The following NTHL1 variants were observed in gnomAD, a reference collection of about 807,000 sequenced individuals.
NTHL1 encodes nth like DNA glycosylase 1.
Under a neutral mutation model 32.3 loss-of-function variants are expected in NTHL1, and 32 were observed. The observed-to-expected ratio is 0.99, with a 90% CI of 0.75 to 1.33. NTHL1 has a LOEUF of 1.33. NTHL1 is among the 40% of genes most tolerant of loss of function. The pLI, the probability that NTHL1 is intolerant of heterozygous loss-of-function variation, is 0.00. For synonymous variants in NTHL1, 188 were observed against 176.9 expected (o/e 1.06, Z -0.50); for missense variants, 501 against 414.1 (o/e 1.21, Z -1.82).
At position 2,046,375 on chromosome 16, in the gene NTHL1, A is replaced by AG. The variant is rs1161474192; in HGVS notation, c.116-10dup. 1.9e-6 allele frequency: 3 copies of AG among 1,602,400 alleles called. No homozygotes were observed. The South Asian group carries it at 3.3e-5, about 18-fold the overall frequency. On this transcript the variant is annotated splice_polypyrimidine_tract_variant and intron_variant, in intron 1 of 5. Coordinates refer to ENST00000651570, the MANE Select transcript of NTHL1 (RefSeq NM_002528.7). ...GTGGCTTTTCCTCGCTTCTGCAAAAAGCACCACGCAGTCCCTCTGGTGGGG... is the reference window on the plus strand; with the variant it reads ...GTGGCTTTTCCTCGCTTCTGCAAAAAGGCACCACGCAGTCCCTCTGGTGGGG...
In NTHL1 at chr16:2,040,113, A is replaced by G; in HGVS notation, c.791+20T>C. ...GCGGGGTGAGCTCTTCTCCCTAGGA[A>G]GCCCCCCACATACTCATACCTAGGC... On this transcript the variant is annotated intron_variant, in intron 5 of 5. Coordinates refer to ENST00000651570, the MANE Select transcript of NTHL1 (RefSeq NM_002528.7). 6.2e-7 allele frequency: 1 copy of G among 1,613,068 alleles called. No homozygotes were observed. The highest frequency in any genetic ancestry group is 1.3e-5 in the African/African-American group (1 of 75,006).
At chr16:2,040,454 C>T (rs2084249797) in intron 4 of NTHL1, 3 of 620,334 alleles carry the variant, frequency 4.8e-6, no homozygotes, top group African/African-American at 1.8e-5. Flanking sequence ...AGGCCTCTCT[C>T]CCATCACCTG....
rs1271178921 is a variant in NTHL1, at chr16:2,044,785, C to T, written c.370G>A (p.Val124Met). The change falls in exon 3 of 6, where the codon GTG (valine) becomes ATG (methionine). Residue 124 changes from valine to methionine, a missense_variant. Transcript: ENST00000651570. The surrounding 1 kb of genome is among the most constrained non-coding windows in gnomAD (Gnocchi z 5.0). ...SAPPKVRRYQVLLSLMLSSQT... is the reference protein window; with the variant it reads ...SAPPKVRRYQMLLSLMLSSQT... ...CTGGAGAGCATCAGTGACAGCAGCA[C>T]CTGGTACCTGCGTACCTGCTTGTGC... is the stretch of plus-strand genomic sequence containing the variant. The T allele has an allele frequency of 6.2e-7, 1 of 1,608,410 alleles. No homozygotes were observed. The highest frequency in any genetic ancestry group is 1.7e-5 in the Admixed American group (1 of 59,434).
rs766136810 is a variant in NTHL1, at chr16:2,044,667, G to A, written c.488C>T (p.Thr163Met). Residue 163 changes from threonine to methionine, a missense_variant, in exon 3 of 6, where the codon ACG (threonine) becomes ATG (methionine). Physicochemically the swap from Thr to Met is moderately conservative, Grantham distance 81. Transcript: ENST00000651570. The surrounding 1 kb of genome is among the most constrained non-coding windows in gnomAD (Gnocchi z 5.0). ...GACGGGGTAGATGAGCTTGCCCAGCGTGGCATCATCTGTCTGCAGGATGCT... is the reference window on the plus strand; with the variant it reads ...GACGGGGTAGATGAGCTTGCCCAGCATGGCATCATCTGTCTGCAGGATGCT... Reference protein sequence around the residue: ...VDSILQTDDATLGKLIYPVGF... With the variant: ...VDSILQTDDAMLGKLIYPVGF... The A allele has an allele frequency of 8.7e-6, 14 of 1,610,088 alleles. No individual in the cohort carries two copies. The highest frequency in any genetic ancestry group is 6.7e-5 in the African/African-American group (5 of 74,946).
chr16:2,043,373 C>T lies in NTHL1; in HGVS notation c.685+194G>A, dbSNP rs1046057453. The T allele has an allele frequency of 4.8e-5, 33 of 690,150 alleles. No homozygotes were observed. Among genetic ancestry groups the T allele is most frequent in the Non-Finnish European group, 1.7e-5 (7 of 410,254 alleles). 42.8% of individuals were successfully genotyped at this position (690,150 alleles called of 1,614,324 possible). On this transcript the variant is annotated intron_variant, in intron 4 of 5. Coordinates refer to ENST00000651570, the MANE Select transcript of NTHL1 (RefSeq NM_002528.7). The surrounding 1 kb of genome is among the most constrained non-coding windows in gnomAD (Gnocchi z 4.4). Reference sequence around the variant, plus strand: ...CAGAGCCCTGCACGGAGCAGGTGCTCAGCCCATGTGACCTCCTGCCCCAGC... The same window carrying T: ...CAGAGCCCTGCACGGAGCAGGTGCTTAGCCCATGTGACCTCCTGCCCCAGC...
At chr16:2,047,647 G>A in intron 1 of NTHL1, 62 bp downstream of exon 1, 1 of 1,522,218 alleles carries the variant, frequency 6.6e-7, no homozygotes. Flanking sequence ...AGGCGGCCCG[G>A]GACTCCAGCC....
At chr16:2,046,719 C>G (rs1209275978) in intron 1 of NTHL1, among the ~76,000 whole-genome samples, 1 of 152,162 alleles carries the variant, frequency 6.6e-6, no homozygotes. Flanking sequence ...AGCCTGTAAT[C>G]CCAGCACTTT....
At chr16:2,042,827 C>T (rs1482067070) in intron 4 of NTHL1, among the ~76,000 whole-genome samples, 1 of 122,642 alleles carries the variant, frequency 8.2e-6, no homozygotes, top group Non-Finnish European at 1.8e-5. Context: ...CCTCTTCTCC[C>T]CGCAGCACCT....
At chr16:2,046,399 G>C in intron 1 of NTHL1, 33 bp from the exon 2 acceptor site, 8 of 1,583,648 alleles carry the variant, frequency 5.1e-6, no homozygotes, top group Non-Finnish European at 6.9e-6. Context: ...CCTCTGGTGG[G>C]GCCACAGGTG....
rs756963327 is a variant in NTHL1 at position 2,043,615 on chromosome 16, T to C, written c.637A>G (p.Met213Val). The C allele has an allele frequency of 8.7e-6, 14 of 1,610,452 alleles. No homozygotes were observed. The highest frequency in any genetic ancestry group is 1.1e-5 in the Non-Finnish European group (13 of 1,179,952). Reference sequence around the variant, plus strand: ...GCCACAGCCATAGCCAGGTGTGCCATCTTGGGCCCAACACCCGGCAGCGCC... The same window carrying C: ...GCCACAGCCATAGCCAGGTGTGCCACCTTGGGCCCAACACCCGGCAGCGCC... The part of the protein sequence containing the change: ...LVALPGVGPK[M>V]AHLAMAVAWG... The change falls in exon 4 of 6, where the codon ATG (methionine) becomes GTG (valine). Residue 213 changes from methionine (M) to valine (V), a missense_variant. Coordinates refer to ENST00000651570, the MANE Select transcript of NTHL1 (RefSeq NM_002528.7). The surrounding 1 kb of genome is among the most constrained non-coding windows in gnomAD (Gnocchi z 4.4).
In NTHL1 at chr16:2,046,131, T is replaced by C; in HGVS notation, c.351A>G (p.Pro117=). The C allele has an allele frequency of 6.2e-7, 1 of 1,611,678 alleles. No homozygotes were observed. The highest frequency in any genetic ancestry group is 8.5e-7 in the Non-Finnish European group (1 of 1,178,896). ...GGCAGATGGGGCCCCTGCCTACCTT[T>C]GGGGGGGCACTGGAGTCATAGCAGT... ...TEHCYDSSAP[P]KVRRYQVLLS... is the part of the protein sequence containing the mutation. Residue 117 remains proline (P), a synonymous_variant, in exon 2 of 6, where the codon CCA becomes CCG. Coordinates refer to ENST00000651570, the MANE Select transcript of NTHL1 (RefSeq NM_002528.7).
Position 2,044,642 on chromosome 16 carries a change from G to A in NTHL1, c.513C>T (p.Val171=), listed in dbSNP as rs140211154. 33 of 1,605,562 alleles carry A rather than the reference G, an allele frequency of 2.1e-5. No individual in the cohort carries two copies. The highest frequency in any genetic ancestry group is 1.3e-4 in the South Asian group (12 of 91,068). Residue 171 remains valine (V), a synonymous_variant, in exon 3 of 6, where the codon GTC becomes GTT. Coordinates refer to ENST00000651570, the MANE Select transcript of NTHL1 (RefSeq NM_002528.7). This position sits in a 1 kb window ranked among gnomAD's most constrained non-coding sequence, Gnocchi z 5.0. ...DATLGKLIYP[V]GFWRSKVKYI... is the part of the protein sequence containing the mutation. ...AGGCAGGGCTCACCCTCCAGAAACC[G>A]ACGGGGTAGATGAGCTTGCCCAGCG...
At chr16:2,041,228 C>T (rs1393895643) in intron 4 of NTHL1, among the ~76,000 whole-genome samples, 1 of 152,254 alleles carries the variant, frequency 6.6e-6, no homozygotes, top group African/African-American at 2.4e-5. Flanking sequence ...CTCTGAGCCT[C>T]AGTTTCCTCC....
chr16:2,044,872 G>C lies in NTHL1; in HGVS notation c.355-72C>G. On this transcript the variant is annotated intron_variant, in intron 2 of 5. Transcript: ENST00000651570. The surrounding 1 kb of genome is among the most constrained non-coding windows in gnomAD (Gnocchi z 5.0). ...ATTCCCTGGCCAGGCTCCGCCCCCCGCCCTCGACACACCCTGGTTTGTTGC... is the reference window on the plus strand; with the variant it reads ...ATTCCCTGGCCAGGCTCCGCCCCCCCCCCTCGACACACCCTGGTTTGTTGC... 6.8e-7 allele frequency: 1 copy of C among 1,471,958 alleles called. No homozygotes were observed. Among genetic ancestry groups the C allele is most frequent in the Non-Finnish European group, 9.1e-7 (1 of 1,097,992 alleles). The allele number at this position is 1,471,958 out of a possible 1,614,324, so 91.2% of individuals were successfully genotyped here. A position where few individuals can be genotyped will look rare whatever the true frequency, so the allele number is the denominator to read the frequency against.
Position 2,044,597 on chromosome 16 carries a change from C to T in NTHL1, c.525+33G>A, listed in dbSNP as rs1389654447. 1.4e-5 allele frequency: 22 copies of T among 1,598,226 alleles called. No homozygotes were observed. Among genetic ancestry groups the T allele is most frequent in the Non-Finnish European group, 1.9e-5 (22 of 1,179,800 alleles). ...TCTGAGGTCTCTCTCAGGCCACTGC[C>T]ACCCGGCCCCCGTTGCCACAGGCAG... On this transcript the variant is annotated intron_variant, in intron 3 of 5. Transcript: ENST00000651570. The surrounding 1 kb of genome is among the most constrained non-coding windows in gnomAD (Gnocchi z 5.0).
At chr16:2,040,298 TC>T in intron 4 of NTHL1, 60 bp from the exon 5 acceptor site, 1 of 1,511,910 alleles carries the variant, frequency 6.6e-7, no homozygotes, top group Non-Finnish European at 9.1e-7. Flanking sequence ...CCCGTGCCCC[TC>T]CCCGCCCAGA....
In NTHL1 at chr16:2,047,799, G is replaced by T. The variant is rs1596228271; in HGVS notation, c.25C>A (p.Leu9Met). 1 of 1,591,730 alleles carries T rather than the reference G, an allele frequency of 6.3e-7. No individual in the cohort carries two copies. The highest frequency in any genetic ancestry group is 8.5e-7 in the Non-Finnish European group (1 of 1,174,250). ...GGTCCCAGGCTCCGGCTCCGGGTCA[G>T]CATCCTCGCGCTCAAGGCGGTCATG... MTALSARMLTRSRSLGPGA... is the reference protein window; with the variant it reads MTALSARMMTRSRSLGPGA... Residue 9 changes from leucine to methionine, a missense_variant, in exon 1 of 6, where the codon CTG becomes ATG. Physicochemically the swap from Leu to Met is conservative, Grantham distance 15. Transcript: ENST00000651570.
chr16:2,046,069 A>G, intron 2 of NTHL1, 59 bp downstream of exon 2: 1 of 1,468,142 alleles, frequency 6.8e-7, no homozygotes, highest in Non-Finnish European at 9.5e-7. Context: ...CCGGGTAGAA[A>G]GAAAACAAGG....
At chr16:2,045,037 G>C (rs1418875721) in intron 2 of NTHL1, among the ~76,000 whole-genome samples, 1 of 152,184 alleles carries the variant, frequency 6.6e-6, no homozygotes, top group African/African-American at 2.4e-5. Context: ...AATTATCTCA[G>C]TGCTTAGAAT....
Sources: gnomAD v4.1 joint callset for allele counts (sites outside exome capture counted in the v4.1 genomes callset) on GRCh38, gnomAD v4.1.1 for gene constraint, Gnocchi (gnomAD v3.1) non-coding constraint, MANE v1.5 for transcripts, NCBI Gene and HGNC (gene_info 2026-07-23, HGNC 2026-07-21) for gene names.